MON2: variants seen among roughly 807,000 people sequenced by gnomAD.
MON2 encodes the protein protein MON2 homolog.
In MON2, 84 loss-of-function variants were observed where a neutral mutation model predicts 208.6. The observed-to-expected ratio is 0.40, with a 90% confidence interval of 0.34 to 0.48. The LOEUF (loss-of-function observed/expected upper bound fraction) is 0.48. MON2 is among the 20% of genes least tolerant of loss of function. The pLI is 0.59. For missense variants in MON2, 1,611 were observed against 2,015.4 expected (o/e 0.80, Z 3.84); for synonymous variants, 660 against 694.0 (o/e 0.95, Z 0.77).
chr12:62,576,562 T>C (rs1490586102), intron 30 of MON2, among the ~76,000 whole-genome samples: 1 of 152,072 alleles, frequency 6.6e-6, no homozygotes, highest in Non-Finnish European at 1.5e-5. Context: ...CTCTTTTTTA[T>C]TTTAAATAAA....
At chr12:62,484,915 C>CTTTTTTTTTTTTTTTT (rs71084000) in intron 2 of MON2, 2 of 132,550 alleles carry the variant, frequency 1.5e-5, no homozygotes, top group Non-Finnish European at 3.2e-5. Flanking sequence ...GGTAAACTGG[C>CTTTTTTTTTTTTTTTT]TTTTTTTTTT....
chr12:62,508,701 T>A, intron 8 of MON2: 1 of 458,658 alleles, frequency 2.2e-6, no homozygotes. Flanking sequence ...AGTCATTGCC[T>A]GTTGTCTGAA....
chr12:62,554,407 A>T (rs1218066430), intron 24 of MON2, among the ~76,000 whole-genome samples: 1 of 152,164 alleles, frequency 6.6e-6, no homozygotes, highest in African/African-American at 2.4e-5. Flanking sequence ...TTGAATTTCT[A>T]TCAAGTTCCT....
At chr12:62,585,034 CT>C (rs2075150604) in intron 32 of MON2, among the ~76,000 whole-genome samples, 1 of 132,784 alleles carries the variant, frequency 7.5e-6, no homozygotes, top group Non-Finnish European at 1.6e-5. Context: ...TGTTTTTGAT[CT>C]TGTGAGGGGG....
In MON2 at chr12:62,537,257, A is replaced by G; in HGVS notation, c.2007A>G (p.Thr669=). 1 of 1,598,252 alleles carries G rather than the reference A, an allele frequency of 6.3e-7. No individual in the cohort carries two copies. Among genetic ancestry groups the G allele is most frequent in the East Asian group, 2.2e-5 (1 of 44,730 alleles). ...CTTTAGCAGTCCAGCCTCAAGGGAC[A>G]GTAATGGTAATGTACTTGTATTTTT... is the stretch of plus-strand genomic sequence containing the variant. ...GQPLAVQPQG[T]VMLTSKNIQC... is the part of the protein sequence containing the mutation. The change falls in exon 15 of 35, where the codon ACA becomes ACG. Residue 669 remains threonine, a synonymous_variant. Coordinates refer to ENST00000393630, the MANE Select transcript of MON2 (RefSeq NM_015026.3).
rs2068904477 is a variant in MON2, at chr12:62,473,585, T to G, written c.111+6267T>G. Among the ~76,000 whole-genome samples, 3 of 152,186 alleles carry G rather than the reference T, an allele frequency of 2.0e-5. No individual in the cohort carries two copies. The South Asian group carries it at 6.2e-4, about 31-fold the overall frequency. On this transcript the variant is annotated intron_variant, in intron 1 of 34. Transcript: ENST00000393630. Reference sequence around the variant, plus strand: ...TTTTCTTTTTCTTTTTGTTTCTATTTTTTGAGACAGGGTCTTACTCTGTCA... The same window carrying G: ...TTTTCTTTTTCTTTTTGTTTCTATTGTTTGAGACAGGGTCTTACTCTGTCA...
At position 62,567,097 on chromosome 12, in the gene MON2, T is replaced by C. The variant is rs10128897; in HGVS notation, c.4323+647T>C. 5.4e-3 allele frequency among the ~76,000 whole-genome samples: 815 copies of C among 152,292 alleles called. 14 individuals carry two copies. The highest frequency in any genetic ancestry group is 0.019 in the African/African-American group (789 of 41,552). ...TTTAAAAGATTCTTGTTGATTGTGT[T>C]CCATTCCTCTAAGGCTTATTTCTTG... On this transcript the variant is annotated intron_variant, in intron 29 of 34. Coordinates refer to ENST00000393630, the MANE Select transcript of MON2 (RefSeq NM_015026.3).
intron 6 of MON2, 127 bp downstream of exon 6, chr12:62,501,007 GAT>G: frequency 1.9e-6 from 1 of 513,828 alleles, no homozygotes; most frequent in Non-Finnish European, 3.4e-6. Context: ...GTAGTATTAA[GAT>G]AGTTCTAAAG....
Position 62,592,819 on chromosome 12 carries a change from A to ACAC in MON2, c.*70_*71insCAC. On this transcript the variant is annotated 3_prime_UTR_variant, in exon 35 of 35. Coordinates refer to ENST00000393630, the MANE Select transcript of MON2 (RefSeq NM_015026.3). Reference sequence around the variant, plus strand: ...TTTGCTCCTAATTGAGTCTTCTGTGAGAAGGACATTTCTTACTGCAGATAA... The same window carrying ACAC: ...TTTGCTCCTAATTGAGTCTTCTGTGACACGAAGGACATTTCTTACTGCAGATAA... 7.1e-7 allele frequency: 1 copy of ACAC among 1,415,870 alleles called. No individual in the cohort carries two copies. Among genetic ancestry groups the ACAC allele is most frequent in the Non-Finnish European group, 9.6e-7 (1 of 1,046,856 alleles). The allele number at this position is 1,415,870 out of a possible 1,614,324, so 87.7% of individuals were successfully genotyped here. A position where few individuals can be genotyped will look rare whatever the true frequency, so the allele number is the denominator to read the frequency against.
chr12:62,524,631 A>G lies in MON2; in HGVS notation c.1101A>G (p.Gln367=), dbSNP rs1167991588. 5 of 1,612,918 alleles carry G rather than the reference A, an allele frequency of 3.1e-6. No homozygotes were observed. Among genetic ancestry groups the G allele is most frequent in the Non-Finnish European group, 3.4e-6 (4 of 1,179,366 alleles). Residue 367 remains glutamine, a synonymous_variant, in exon 9 of 35, where the codon CAA becomes CAG. Coordinates refer to ENST00000393630, the MANE Select transcript of MON2 (RefSeq NM_015026.3). ...TACACAGATTCTGTGTGCAGCCTCA[A>G]CTATTAAGGTAAAACCTCAGCAATA... ...ESIHRFCVQP[Q]LLRSFCQSYD... is the part of the protein sequence containing the mutation.
At chr12:62,579,013 A>G (rs1196933051) in intron 31 of MON2, among the ~76,000 whole-genome samples, 4 of 151,910 alleles carry the variant, frequency 2.6e-5, no homozygotes, top group Non-Finnish European at 4.4e-5. Context: ...AGGCAGGAGG[A>G]TTGCTTGAGA....
At chr12:62,589,390 A>G (rs1382276459) in intron 34 of MON2, among the ~76,000 whole-genome samples, 1 of 152,238 alleles carries the variant, frequency 6.6e-6, no homozygotes, top group Admixed American at 6.5e-5. Context: ...AATGAGTTGT[A>G]GGATATTTGT....
At chr12:62,528,711 T>C (rs1408326155) in intron 11 of MON2, among the ~76,000 whole-genome samples, 2 of 152,246 alleles carry the variant, frequency 1.3e-5, no homozygotes, top group East Asian at 3.8e-4. Context: ...ATAGATCACA[T>C]ATTCTTTGAG....
At chr12:62,485,555 T>G (rs1352597522) in intron 2 of MON2, among the ~76,000 whole-genome samples, 2 of 151,608 alleles carry the variant, frequency 1.3e-5, no homozygotes, top group Non-Finnish European at 3.0e-5. Context: ...AACAGTCTTA[T>G]CAAAACACCC....
intron 31 of MON2, among the ~76,000 whole-genome samples, chr12:62,579,822 C>T (rs1474381203): frequency 6.6e-6 from 1 of 152,162 alleles, no homozygotes; most frequent in Non-Finnish European, 1.5e-5. Flanking sequence ...TATTAAAGCT[C>T]TTGTGGACTT....
rs1169532789 is a variant in MON2 at position 62,546,345 on chromosome 12, C to A, written c.2578-552C>A. ...AATTAGTATCTTTAAAGTAAGATAA[C>A]TACCCATTTATCTAAAATCTAACAT... On this transcript the variant is annotated intron_variant, in intron 21 of 34. Transcript: ENST00000393630. 2.0e-5 allele frequency among the ~76,000 whole-genome samples: 3 copies of A among 151,994 alleles called. No individual in the cohort carries two copies. In the East Asian group the frequency reaches 5.8e-4, roughly 29 times the overall value.
intron 29 of MON2, among the ~76,000 whole-genome samples, chr12:62,570,578 T>C (rs1332317264): frequency 6.6e-6 from 1 of 152,158 alleles, no homozygotes. Flanking sequence ...CTAGATGATA[T>C]AGCCTACTTC....
chr12:62,493,874 A>G, intron 2 of MON2, 41 bp from the exon 3 acceptor site: 1 of 1,358,376 alleles, frequency 7.4e-7, no homozygotes, highest in Non-Finnish European at 9.8e-7. Context: ...TTAATTATAG[A>G]TTAATTTTAA....
intron 11 of MON2, among the ~76,000 whole-genome samples, chr12:62,531,273 A>G (rs1009314159): frequency 6.6e-6 from 1 of 152,060 alleles, no homozygotes; most frequent in East Asian, 1.9e-4. Flanking sequence ...TTTTGGTGTT[A>G]TATCTAACAA....
Sources: gnomAD v4.1 joint callset for allele counts (sites outside exome capture counted in the v4.1 genomes callset) on GRCh38, gnomAD v4.1.1 for gene constraint, MANE v1.5 for transcripts, NCBI Gene and HGNC (gene_info 2026-07-23, HGNC 2026-07-21) for gene names.